The following MINDY2 variants were observed in gnomAD, a reference collection of about 807,000 sequenced individuals.
The protein encoded by MINDY2 is ubiquitin carboxyl-terminal hydrolase MINDY-2.
A neutral mutation model predicts 68.2 loss-of-function variants in MINDY2; 52 were observed. The ratio of observed to expected loss-of-function variants is 0.76; its 90% CI spans 0.61 to 0.96. MINDY2 has a LOEUF of 0.96. MINDY2 is among the 40% of genes least tolerant of loss of function. The pLI is 0.00. For synonymous variants in MINDY2, 372 were observed against 303.0 expected (o/e 1.23, Z -2.36); for missense variants, 881 against 773.4 (o/e 1.14, Z -1.65).
chr15:58,772,563 C>T (rs1342528980), intron 1 of MINDY2, among the ~76,000 whole-genome samples: 2 of 152,092 alleles, frequency 1.3e-5, no homozygotes, highest in African/African-American at 2.4e-5. Flanking sequence ...TCTTACTGAC[C>T]TTATCACATA....
In MINDY2 at chr15:58,854,616, G is replaced by A. The variant is rs771120623; in HGVS notation, c.*6G>A. On this transcript the variant is annotated 3_prime_UTR_variant, in exon 9 of 9. Transcript: ENST00000559228. ...ATAGCTGTGTTATTTTGTAACAAGT[G>A]TTGGCTTCTGTTGGAACCACCTATA... 1.1e-5 allele frequency: 17 copies of A among 1,601,476 alleles called. No homozygotes were observed. Among genetic ancestry groups the A allele is most frequent in the African/African-American group, 1.3e-5 (1 of 74,648 alleles).
At chr15:58,795,765 G>GTT (rs60618257) in intron 2 of MINDY2, among the ~76,000 whole-genome samples, 44 of 150,230 alleles carry the variant, frequency 2.9e-4, no homozygotes, top group Admixed American at 1.3e-3. Flanking sequence ...TAGTGTCTAA[G>GTT]TTTTTTTTTT....
chr15:58,835,481 C>T (rs552001737), intron 6 of MINDY2, among the ~76,000 whole-genome samples: 11 of 152,096 alleles, frequency 7.2e-5, no homozygotes, highest in Admixed American at 1.3e-4. Context: ...GGTGAAACCC[C>T]GTCTTTACTA....
rs1367175805 is a variant in MINDY2 at position 58,821,636 on chromosome 15, A to C, written c.1123-81A>C. 9.6e-6 allele frequency: 7 copies of C among 731,486 alleles called. No homozygotes were observed. The East Asian group carries it at 2.2e-4, about 23-fold the overall frequency. 45.3% of individuals were successfully genotyped at this position (731,486 alleles called of 1,614,324 possible). A position where few individuals can be genotyped will look rare whatever the true frequency, so the allele number is the denominator to read the frequency against. On this transcript the variant is annotated intron_variant, in intron 4 of 8. Coordinates refer to ENST00000559228, the MANE Select transcript of MINDY2 (RefSeq NM_001040450.3). ...TTATATTTAGTATTATATTAGAATA[A>C]AATTCTAAAGAGTGATATGGCTTTC...
chr15:58,823,992 A>C (rs1199121026), intron 5 of MINDY2, among the ~76,000 whole-genome samples: 2 of 152,224 alleles, frequency 1.3e-5, no homozygotes, highest in African/African-American at 4.8e-5. Flanking sequence ...CCAATATACC[A>C]GAGTATGCTA....
chr15:58,841,075 G>T (rs1310802996), intron 6 of MINDY2, among the ~76,000 whole-genome samples: 1 of 150,530 alleles, frequency 6.6e-6, no homozygotes, highest in Admixed American at 6.6e-5. Flanking sequence ...TCTGCCTCCC[G>T]GGTTCAAGAG....
chr15:58,807,713 G>A (rs948505006), intron 3 of MINDY2, among the ~76,000 whole-genome samples: 4 of 152,138 alleles, frequency 2.6e-5, no homozygotes, highest in South Asian at 2.1e-4. Context: ...TGAGAAAACT[G>A]ATGTGGACAA....
intron 6 of MINDY2, among the ~76,000 whole-genome samples, chr15:58,844,722 G>A (rs887379908): frequency 6.6e-6 from 1 of 151,568 alleles, no homozygotes; most frequent in Admixed American, 6.6e-5. Flanking sequence ...TTCGAGACCA[G>A]CCTGGCCAAC....
At chr15:58,838,921 A>G (rs1363798824) in intron 6 of MINDY2, among the ~76,000 whole-genome samples, 1 of 151,912 alleles carries the variant, frequency 6.6e-6, no homozygotes, top group East Asian at 1.9e-4. Flanking sequence ...TTATGCTTCT[A>G]AGTATTCATG....
intron 1 of MINDY2, among the ~76,000 whole-genome samples, chr15:58,778,853 C>T (rs1900951387): frequency 6.9e-6 from 1 of 145,374 alleles, no homozygotes; most frequent in East Asian, 2.0e-4. Context: ...CATTTAGTCG[C>T]CCAGGCTGGA....
At chr15:58,841,598 T>C (rs1287614336) in intron 6 of MINDY2, among the ~76,000 whole-genome samples, 2 of 151,878 alleles carry the variant, frequency 1.3e-5, no homozygotes, top group Non-Finnish European at 2.9e-5. Context: ...AGAGACACAG[T>C]TTCACCATGT....
chr15:58,774,209 G>A (rs772363600), intron 1 of MINDY2, among the ~76,000 whole-genome samples: 1 of 152,170 alleles, frequency 6.6e-6, no homozygotes, highest in Non-Finnish European at 1.5e-5. Context: ...GAGGCCGGGC[G>A]CGGTGGCTCA....
At chr15:58,841,373 A>G (rs554371041) in intron 6 of MINDY2, among the ~76,000 whole-genome samples, 1 of 150,530 alleles carries the variant, frequency 6.6e-6, no homozygotes, top group East Asian at 2.0e-4. Flanking sequence ...AAGGTTTATG[A>G]TTCTATGAAG....
chr15:58,799,368 C>T (rs1486987790), intron 2 of MINDY2, among the ~76,000 whole-genome samples: 1 of 152,102 alleles, frequency 6.6e-6, no homozygotes, highest in Non-Finnish European at 1.5e-5. Flanking sequence ...GAGATCGAGA[C>T]CATCCTGGCT....
At chr15:58,786,647 T>C (rs1383033922) in intron 1 of MINDY2, among the ~76,000 whole-genome samples, 1 of 152,186 alleles carries the variant, frequency 6.6e-6, no homozygotes, top group Non-Finnish European at 1.5e-5. Context: ...AGATATCCAG[T>C]TTAATAAATT....
intron 2 of MINDY2, among the ~76,000 whole-genome samples, chr15:58,799,578 CAAAAA>C (rs34347740): frequency 1.7e-5 from 2 of 115,158 alleles, no homozygotes. Flanking sequence ...GACTCCATCT[CAAAAA>C]AAAAAAAAAA....
chr15:58,771,483 C>T lies in MINDY2; in HGVS notation c.88C>T (p.Leu30=). 6.2e-7 allele frequency: 1 copy of T among 1,612,528 alleles called. No individual in the cohort carries two copies. Among genetic ancestry groups the T allele is most frequent in the Non-Finnish European group, 8.5e-7 (1 of 1,179,830 alleles). Residue 30 remains leucine, a synonymous_variant, in exon 1 of 9, where the codon CTA becomes TTA. Coordinates refer to ENST00000559228, the MANE Select transcript of MINDY2 (RefSeq NM_001040450.3). The part of the protein sequence containing the change: ...ASGTGSSQEG[L]QETRLAAGDG... ...AGGGACAGGTTCTTCGCAGGAAGGG[C>T]TACAGGAGACCAGGCTCGCCGCTGG... is the stretch of plus-strand genomic sequence containing the variant.
chr15:58,771,354 A>G lies in MINDY2; in HGVS notation c.-42A>G. ...GCGTCCAAGGCGCTGGCTGCGGAGAAGTGGCCGCGGTCTCCATAGAGCTGG... is the reference window on the plus strand; with the variant it reads ...GCGTCCAAGGCGCTGGCTGCGGAGAGGTGGCCGCGGTCTCCATAGAGCTGG... On this transcript the variant is annotated 5_prime_UTR_variant, in exon 1 of 9. Coordinates refer to ENST00000559228, the MANE Select transcript of MINDY2 (RefSeq NM_001040450.3). 2 of 1,569,480 alleles carry G rather than the reference A, an allele frequency of 1.3e-6. No homozygotes were observed. Among genetic ancestry groups the G allele is most frequent in the Non-Finnish European group, 1.7e-6 (2 of 1,160,258 alleles).
intron 6 of MINDY2, among the ~76,000 whole-genome samples, chr15:58,845,650 A>G (rs1316732286): frequency 6.6e-6 from 1 of 152,206 alleles, no homozygotes; most frequent in African/African-American, 2.4e-5. Context: ...GTTCCTCAAG[A>G]CACTAAAAGT....
Sources: allele counts gnomAD v4.1 joint callset (sites outside exome capture counted in the v4.1 genomes callset), GRCh38; gene constraint gnomAD v4.1.1; transcripts MANE v1.5; gene names NCBI Gene and HGNC (gene_info 2026-07-23, HGNC 2026-07-21).